Variants in TALDO1 observed in about 807,000 individuals in gnomAD.
TALDO1 encodes transaldolase 1.
In TALDO1, 29 loss-of-function variants were observed where a neutral mutation model predicts 38.1. The ratio of observed to expected loss-of-function variants is 0.76; its 90% CI spans 0.57 to 1.04. The LOEUF is 1.04. Ranked by LOEUF, TALDO1 falls within the 50% of genes least tolerant of loss-of-function variation. The pLI is 0.00. For missense variants in TALDO1, 499 were observed against 438.1 expected (o/e 1.14, Z -1.24); for synonymous variants, 207 against 176.8 (o/e 1.17, Z -1.36).
At chr11:756,593 G>A (rs1452381440) in intron 2 of TALDO1, among the ~76,000 whole-genome samples, 1 of 141,476 alleles carries the variant, frequency 7.1e-6, no homozygotes, top group African/African-American at 2.6e-5. Flanking sequence ...TCGGCTCACC[G>A]CAACCTCTGC....
chr11:751,077 A>C (rs1220553413), intron 1 of TALDO1, among the ~76,000 whole-genome samples: 2 of 152,056 alleles, frequency 1.3e-5, no homozygotes, highest in African/African-American at 4.8e-5. Context: ...TTTTTGAGAC[A>C]GGGTCTTGCT....
Position 764,333 on chromosome 11 carries a change from T to C in TALDO1, c.881T>C (p.Phe294Ser). Residue 294 changes from phenylalanine (F) to serine (S), a missense_variant, in exon 7 of 8, where the codon TTC (phenylalanine) becomes TCC (serine). Phe to Ser is a radical substitution (Grantham distance 155). Coordinates refer to ENST00000319006, the MANE Select transcript of TALDO1 (RefSeq NM_006755.2). ...AAAATCCACCTGGATGAGAAGTCTT[T>C]CCGTTGGTTGCACAACGAGGACCAG... The part of the protein sequence containing the change: ...LEKIHLDEKS[F>S]RWLHNEDQMA... 3 of 1,614,252 alleles carry C rather than the reference T, an allele frequency of 1.9e-6. No homozygotes were observed. Among genetic ancestry groups the C allele is most frequent in the Non-Finnish European group, 2.5e-6 (3 of 1,180,048 alleles).
intron 1 of TALDO1, among the ~76,000 whole-genome samples, chr11:752,996 A>G (rs1044600104): frequency 3.3e-5 from 5 of 152,168 alleles, no homozygotes; most frequent in Non-Finnish European, 5.9e-5. Flanking sequence ...CCACTGAAGA[A>G]TTAATTGCTT....
chr11:760,204 C>A lies in TALDO1; in HGVS notation c.412C>A (p.Arg138=), dbSNP rs770086998. The A allele has an allele frequency of 1.2e-6, 2 of 1,614,144 alleles. No homozygotes were observed. The highest frequency in any genetic ancestry group is 3.3e-5 in the Admixed American group (2 of 60,008). Residue 138 remains arginine (R), a synonymous_variant, in exon 4 of 8, where the codon CGA becomes AGA. Transcript: ENST00000319006. ...CAAGGAAGCTGGGATCAGCAAGGACCGAATTCTTATAAAGCTGTCATCAAC... is the reference window on the plus strand; with the variant it reads ...CAAGGAAGCTGGGATCAGCAAGGACAGAATTCTTATAAAGCTGTCATCAAC... The part of the protein sequence containing the change: ...LYKEAGISKD[R]ILIKLSSTWE...
In TALDO1 at chr11:755,976, G is replaced by A. The variant is rs769215803; in HGVS notation, c.195G>A (p.Ala65=). 23 of 1,613,652 alleles carry A rather than the reference G, an allele frequency of 1.4e-5. No individual in the cohort carries two copies. Among genetic ancestry groups the A allele is most frequent in the Non-Finnish European group, 1.7e-5 (20 of 1,179,896 alleles). The change falls in exon 2 of 8, where the codon GCG becomes GCA. Residue 65 remains alanine, a synonymous_variant. Coordinates refer to ENST00000319006, the MANE Select transcript of TALDO1 (RefSeq NM_006755.2). The stretch of plus-strand genomic sequence containing the variant: ...CTTACCAGGAGCTGGTGGAGGAGGC[G>A]ATTGCCTATGGCCGGAAGCTGGGCG... ...MPAYQELVEE[A]IAYGRKLGGS...
chr11:751,102 G>C (rs1300830063), intron 1 of TALDO1, among the ~76,000 whole-genome samples: 1 of 152,082 alleles, frequency 6.6e-6, no homozygotes, highest in Non-Finnish European at 1.5e-5. Flanking sequence ...CACCCAGGCT[G>C]TATAGTGGTG....
In TALDO1 at chr11:760,204, C is replaced by T. The variant is rs770086998; in HGVS notation, c.412C>T (p.Arg138Ter). 2.5e-6 allele frequency: 4 copies of T among 1,614,144 alleles called. No individual in the cohort carries two copies. Among genetic ancestry groups the T allele is most frequent in the Non-Finnish European group, 3.4e-6 (4 of 1,180,022 alleles). Residue 138 changes from arginine (R) to a stop codon, truncating the protein, a stop_gained, in exon 4 of 8, where the codon CGA becomes TGA. Coordinates refer to ENST00000319006, the MANE Select transcript of TALDO1 (RefSeq NM_006755.2). LOFTEE classifies it high-confidence loss of function. ...LYKEAGISKD[R>*]ILIKLSSTWE... Reference sequence around the variant, plus strand: ...CAAGGAAGCTGGGATCAGCAAGGACCGAATTCTTATAAAGCTGTCATCAAC... The same window carrying T: ...CAAGGAAGCTGGGATCAGCAAGGACTGAATTCTTATAAAGCTGTCATCAAC...
Position 763,778 on chromosome 11 carries a change from C to T in TALDO1, c.669C>T (p.Tyr223=), listed in dbSNP as rs1448870204. Residue 223 remains tyrosine, a synonymous_variant, in exon 6 of 8, where the codon TAC becomes TAT. Coordinates refer to ENST00000319006, the MANE Select transcript of TALDO1 (RefSeq NM_006755.2). ...GVKSVTKIYN[Y]YKKFSYKTIV... ...AGAGTGTCACTAAAATCTACAACTA[C>T]TACAAGAAGTTTAGCTACAAAACCA... is the stretch of plus-strand genomic sequence containing the variant. The T allele has an allele frequency of 1.9e-6, 3 of 1,613,974 alleles. No homozygotes were observed. Among genetic ancestry groups the T allele is most frequent in the African/African-American group, 2.7e-5 (2 of 74,938 alleles).
At chr11:748,924 C>G in intron 1 of TALDO1, among the ~76,000 whole-genome samples, 1 of 152,192 alleles carries the variant, frequency 6.6e-6, no homozygotes, top group East Asian at 1.9e-4. Flanking sequence ...TGCAGTTTGC[C>G]TGGTGGACAG....
At chr11:761,838 G>A (rs990094466) in intron 4 of TALDO1, among the ~76,000 whole-genome samples, 2 of 152,048 alleles carry the variant, frequency 1.3e-5, no homozygotes, top group Admixed American at 6.6e-5. Context: ...ACCACTCCTG[G>A]GTAATTTCAC....
chr11:764,156 G>A (rs867075960), intron 6 of TALDO1, 132 bp from the exon 7 acceptor site: 28 of 1,531,266 alleles, frequency 1.8e-5, no homozygotes, highest in African/African-American at 2.7e-5. Context: ...CACTTCCAGC[G>A]TGAGCCTTGC....
At chr11:758,225 C>G (rs1050761620) in intron 2 of TALDO1, among the ~76,000 whole-genome samples, 38 of 152,080 alleles carry the variant, frequency 2.5e-4, no homozygotes, top group African/African-American at 7.7e-4. Context: ...GCAGAGCTGG[C>G]AGAGCCGAGA....
chr11:756,731 C>G (rs540938394), intron 2 of TALDO1, among the ~76,000 whole-genome samples: 1 of 151,916 alleles, frequency 6.6e-6, no homozygotes, highest in Non-Finnish European at 1.5e-5. Flanking sequence ...TTGGCCAGGC[C>G]GGTCTCGAAC....
At chr11:756,159 A>G (rs1862835445) in intron 2 of TALDO1, 157 bp downstream of exon 2, 4 of 1,108,316 alleles carry the variant, frequency 3.6e-6, no homozygotes, top group African/African-American at 1.6e-5. Context: ...TTGAAGTGTA[A>G]TCTGCATGAA....
rs1213864107 is a variant in TALDO1, at chr11:763,326, C to T, written c.462-18C>T. The T allele has an allele frequency of 1.3e-6, 2 of 1,556,426 alleles. No individual in the cohort carries two copies. The highest frequency in any genetic ancestry group is 2.2e-5 in the South Asian group (2 of 89,874). ...CCCGCCCTCACCTGCCCCGCCCTCA[C>T]CTGTCCCCGCCCCGCAGGGAGCTCG... On this transcript the variant is annotated intron_variant, in intron 4 of 7. Transcript: ENST00000319006.
rs536435849 is a variant in TALDO1, at chr11:763,636, G to A, written c.638-111G>A. On this transcript the variant is annotated intron_variant, in intron 5 of 7. Transcript: ENST00000319006. ...AGCAGTGAGGTGCACAGGTCGGCGC[G>A]GGGCAGGCAGGGGTGGCGGCTCAAG... 191 of 1,563,350 alleles carry A rather than the reference G, an allele frequency of 1.2e-4. No individual in the cohort carries two copies. In the Middle Eastern group the frequency reaches 1.5e-3, roughly 12 times the overall value.
chr11:755,665 C>G, intron 1 of TALDO1: 1 of 633,174 alleles, frequency 1.6e-6, no homozygotes. Context: ...GATCGCTGGG[C>G]ACTTAGTGTT....
intron 1 of TALDO1, among the ~76,000 whole-genome samples, chr11:749,801 A>G (rs1290250334): frequency 2.0e-5 from 3 of 152,234 alleles, no homozygotes; most frequent in South Asian, 2.1e-4. Flanking sequence ...TCAGTGCCTC[A>G]TTCAGTGCAT....
intron 1 of TALDO1, among the ~76,000 whole-genome samples, chr11:751,105 T>A (rs911382411): frequency 1.3e-5 from 2 of 151,996 alleles, no homozygotes; most frequent in Non-Finnish European, 2.9e-5. Context: ...CCAGGCTGTA[T>A]AGTGGTGCAA....
Sources: allele counts gnomAD v4.1 joint callset (sites outside exome capture counted in the v4.1 genomes callset), GRCh38; gene constraint gnomAD v4.1.1; transcripts MANE v1.5; gene names NCBI Gene and HGNC (gene_info 2026-07-23, HGNC 2026-07-21).